The following FBXW2 variants were observed in gnomAD, a reference collection of about 807,000 sequenced individuals.
FBXW2 encodes the protein F-box and WD repeat domain containing 2.
A neutral mutation model predicts 46.0 loss-of-function variants in FBXW2; 12 were observed. The ratio of observed to expected loss-of-function variants is 0.26; its 90% CI spans 0.17 to 0.42. The LOEUF is 0.42. Among genes scored for constraint, FBXW2 ranks in the 10% least tolerant of loss-of-function variants. The pLI is 1.00. For synonymous variants in FBXW2, 203 were observed against 209.6 expected (o/e 0.97, Z 0.27); for missense variants, 360 against 537.0 (o/e 0.67, Z 3.26).
At chr9:120,780,930 A>G (rs1432685788) in intron 3 of FBXW2, among the ~76,000 whole-genome samples, 3 of 152,276 alleles carry the variant, frequency 2.0e-5, no homozygotes, top group East Asian at 3.9e-4. Flanking sequence ...ACCATGCTCT[A>G]TAACACGTGC....
In FBXW2 at chr9:120,772,881, C is replaced by T. The variant is rs778705382; in HGVS notation, c.820-41G>A. 4 of 1,295,220 alleles carry T rather than the reference C, an allele frequency of 3.1e-6. No individual in the cohort carries two copies. In the Admixed American group the frequency reaches 5.3e-5, roughly 17 times the overall value. The allele number at this position is 1,295,220 out of a possible 1,614,324, so 80.2% of individuals were successfully genotyped here. A position where few individuals can be genotyped will look rare whatever the true frequency, so the allele number is the denominator to read the frequency against. On this transcript the variant is annotated intron_variant, in intron 5 of 7. Transcript: ENST00000608872. The stretch of plus-strand genomic sequence containing the variant: ...ATGTTACGGAAAGATCCTTTTAATG[C>T]TGCTCCTATAATGATTTTATTCTTT...
chr9:120,777,500 G>A (rs1404915830), intron 4 of FBXW2, among the ~76,000 whole-genome samples: 4 of 152,214 alleles, frequency 2.6e-5, no homozygotes, highest in African/African-American at 7.2e-5. Context: ...ATATTTGTAT[G>A]ATGAGCGGTC....
chr9:120,781,459 A>T (rs1311011464), intron 3 of FBXW2, among the ~76,000 whole-genome samples: 2 of 152,200 alleles, frequency 1.3e-5, no homozygotes, highest in Non-Finnish European at 2.9e-5. Flanking sequence ...GTTTGGCTGC[A>T]GAACTGGGTT....
At chr9:120,774,400 T>C (rs892505005) in intron 5 of FBXW2, among the ~76,000 whole-genome samples, 1 of 149,262 alleles carries the variant, frequency 6.7e-6, no homozygotes, top group Non-Finnish European at 1.5e-5. Flanking sequence ...TAGTGCTAGC[T>C]ACTCGGGAGG....
At position 120,764,735 on chromosome 9, in the gene FBXW2, G is replaced by A. The variant is rs767294948; in HGVS notation, c.1189C>T (p.Leu397=). The change falls in exon 8 of 8, where the codon CTG becomes TTG. Residue 397 remains leucine (L), a synonymous_variant. Transcript: ENST00000608872. The part of the protein sequence containing the change: ...LYIMDLRTES[L]ISRWPLPEYR... ...TCTGGCAGAGGCCAGCGACTAATCA[G>A]GCTCTCTGTCCGCAAGTCCATGATG... 20 of 1,614,088 alleles carry A rather than the reference G, an allele frequency of 1.2e-5. No homozygotes were observed. The highest frequency in any genetic ancestry group is 1.7e-5 in the Non-Finnish European group (20 of 1,180,056).
chr9:120,765,095 G>GT lies in FBXW2; in HGVS notation c.1077-249dup, dbSNP rs751039443. Among the ~76,000 whole-genome samples, 953 of 139,758 alleles carry GT rather than the reference G, an allele frequency of 6.8e-3. 2 individuals carry two copies. Among genetic ancestry groups the GT allele is most frequent in the Admixed American group, 9.1e-3 (125 of 13,806 alleles). 91.7% of individuals were successfully genotyped at this position (139,758 alleles called of 152,430 possible). A position where few individuals can be genotyped will look rare whatever the true frequency, so the allele number is the denominator to read the frequency against. ...AAGGGAAAGGTGGTGTTTGATCAAA[G>GT]TTTTTTTTTTTTTTTTTGAGACAGG... On this transcript the variant is annotated intron_variant, in intron 7 of 7. Transcript: ENST00000608872.
chr9:120,781,483 A>C (rs2044610271), intron 3 of FBXW2, among the ~76,000 whole-genome samples: 1 of 152,202 alleles, frequency 6.6e-6, no homozygotes, highest in African/African-American at 2.4e-5. Context: ...AGGTTGTTTA[A>C]CTATGACCTT....
intron 4 of FBXW2, chr9:120,776,720 A>G (rs2044504796): frequency 6.5e-6 from 1 of 154,034 alleles, no homozygotes; most frequent in Admixed American, 6.5e-5. Flanking sequence ...TAAGCCATTA[A>G]CTCAAAAGTG....
At chr9:120,787,318 T>G (rs898873300) in intron 3 of FBXW2, among the ~76,000 whole-genome samples, 1 of 152,200 alleles carries the variant, frequency 6.6e-6, no homozygotes, top group Non-Finnish European at 1.5e-5. Context: ...CATGAGCCAC[T>G]GCGCCCGACC....
chr9:120,778,450 C>G lies in FBXW2; in HGVS notation c.586G>C (p.Glu196Gln). The G allele has an allele frequency of 6.2e-7, 1 of 1,614,072 alleles. No homozygotes were observed. The highest frequency in any genetic ancestry group is 8.5e-7 in the Non-Finnish European group (1 of 1,179,994). ...THTCAAVKFD[E>Q]QKLVTGSFDN... Reference sequence around the variant, plus strand: ...AAGGAGCCTGTCACAAGCTTCTGTTCATCAAACTTCACCGCTGCACAAGTG... The same window carrying G: ...AAGGAGCCTGTCACAAGCTTCTGTTGATCAAACTTCACCGCTGCACAAGTG... Residue 196 changes from glutamate to glutamine, a missense_variant, in exon 4 of 8, where the codon GAA becomes CAA. Physicochemically the swap from Glu to Gln is conservative, Grantham distance 29 (BLOSUM62 2). Coordinates refer to ENST00000608872, the MANE Select transcript of FBXW2 (RefSeq NM_012164.4).
chr9:120,760,211 A>G lies in FBXW2; in HGVS notation c.*4348T>C, dbSNP rs1052611563. 2.6e-5 allele frequency: 4 copies of G among 152,246 alleles called. No homozygotes were observed. The highest frequency in any genetic ancestry group is 5.9e-5 in the Non-Finnish European group (4 of 68,062). 9.4% of individuals were successfully genotyped at this position (152,246 alleles called of 1,614,324 possible). A position where few individuals can be genotyped will look rare whatever the true frequency, so the allele number is the denominator to read the frequency against. On this transcript the variant is annotated 3_prime_UTR_variant, in exon 8 of 8. Coordinates refer to ENST00000608872, the MANE Select transcript of FBXW2 (RefSeq NM_012164.4). Reference sequence around the variant, plus strand: ...ATCCTGACAACTGTGTCCACAGGCAAAGGTGACAGTATGCCCTGCCCGGAC... The same window carrying G: ...ATCCTGACAACTGTGTCCACAGGCAGAGGTGACAGTATGCCCTGCCCGGAC...
intron 3 of FBXW2, among the ~76,000 whole-genome samples, chr9:120,781,207 G>C (rs965013978): frequency 6.6e-6 from 1 of 152,146 alleles, no homozygotes; most frequent in Non-Finnish European, 1.5e-5. Context: ...CTCTTCTGCT[G>C]GATTTGGCCC....
chr9:120,772,424 C>T (rs1003734977), intron 6 of FBXW2, among the ~76,000 whole-genome samples: 2 of 152,024 alleles, frequency 1.3e-5, no homozygotes, highest in African/African-American at 2.4e-5. Flanking sequence ...ACCCAGGGGG[C>T]GGAGGTTGCA....
chr9:120,769,262 C>A (rs980370270), intron 7 of FBXW2, among the ~76,000 whole-genome samples: 2 of 152,124 alleles, frequency 1.3e-5, no homozygotes, highest in African/African-American at 4.8e-5. Flanking sequence ...TAGGTTTCAA[C>A]AGAGGTTGGT....
intron 7 of FBXW2, among the ~76,000 whole-genome samples, chr9:120,766,621 C>T (rs976008734): frequency 6.6e-6 from 1 of 152,066 alleles, no homozygotes; most frequent in African/African-American, 2.4e-5. Context: ...CCCGCCACCA[C>T]GCCCAGCTAA....
intron 7 of FBXW2, among the ~76,000 whole-genome samples, chr9:120,766,637 G>A (rs1026884090): frequency 1.4e-4 from 21 of 151,884 alleles, no homozygotes; most frequent in African/African-American, 4.8e-4. Context: ...GCTAATTTTT[G>A]TATTTTTAGT....
intron 2 of FBXW2, among the ~76,000 whole-genome samples, chr9:120,788,675 T>C (rs1356484197): frequency 2.6e-5 from 4 of 152,202 alleles, no homozygotes; most frequent in African/African-American, 9.7e-5. Flanking sequence ...CCTTAATGAA[T>C]TCCTTAATAC....
At position 120,776,350 on chromosome 9, in the gene FBXW2, T is replaced by G. The variant is rs994193465; in HGVS notation, c.686-124A>C. 5.8e-5 allele frequency: 64 copies of G among 1,097,628 alleles called. No individual in the cohort carries two copies. The African/African-American group carries it at 9.8e-4, about 17-fold the overall frequency. The allele number at this position is 1,097,628 out of a possible 1,614,324, so 68.0% of individuals were successfully genotyped here. On this transcript the variant is annotated intron_variant, in intron 4 of 7. Coordinates refer to ENST00000608872, the MANE Select transcript of FBXW2 (RefSeq NM_012164.4). ...CCAACCAGAGACACCGTAAGAATGA[T>G]GCTATTCAACTAGCAATTTTCTGAT... is the stretch of plus-strand genomic sequence containing the variant.
chr9:120,787,765 T>C lies in FBXW2; in HGVS notation c.490+4A>G. The C allele has an allele frequency of 6.2e-7, 1 of 1,605,904 alleles. No individual in the cohort carries two copies. The highest frequency in any genetic ancestry group is 8.5e-7 in the Non-Finnish European group (1 of 1,176,646). ...ACCCAAAAAGCAGTTTCAACATCTCTTACCTGTACAGAGAAGTCCATCTTT... is the reference window on the plus strand; with the variant it reads ...ACCCAAAAAGCAGTTTCAACATCTCCTACCTGTACAGAGAAGTCCATCTTT... On this transcript the variant is annotated splice_donor_region_variant and intron_variant, in intron 3 of 7. Coordinates refer to ENST00000608872, the MANE Select transcript of FBXW2 (RefSeq NM_012164.4).
Sources: gnomAD v4.1 joint callset for allele counts (sites outside exome capture counted in the v4.1 genomes callset) on GRCh38, gnomAD v4.1.1 for gene constraint, MANE v1.5 for transcripts, NCBI Gene and HGNC (gene_info 2026-07-23, HGNC 2026-07-21) for gene names.